CHRNA5: variants seen among roughly 807,000 people sequenced by gnomAD.
CHRNA5 encodes cholinergic receptor nicotinic alpha 5 subunit.
Under a neutral mutation model 41.2 loss-of-function variants are expected in CHRNA5, and 28 were observed. The ratio of observed to expected loss-of-function variants is 0.68; its 90% CI spans 0.50 to 0.93. CHRNA5 has a LOEUF of 0.93. Among genes scored for constraint, CHRNA5 ranks in the 40% least tolerant of loss-of-function variants. The pLI is 0.00. For missense variants in CHRNA5, 481 were observed against 581.9 expected, an observed-to-expected ratio of 0.83 and a Z score of 1.78; for synonymous variants, 188 against 205.8, an observed-to-expected ratio of 0.91 and a Z score of 0.74.
chr15:78,592,238 C>T (rs1400504468), intron 5 of CHRNA5, among the ~76,000 whole-genome samples: 1 of 152,204 alleles, frequency 6.6e-6, no homozygotes, highest in Non-Finnish European at 1.5e-5. Flanking sequence ...AGAAGAATCA[C>T]TTAAACTTGG....
In CHRNA5 at chr15:78,585,791, C is replaced by CTTTT. The variant is rs752254237; in HGVS notation, c.259-846_259-843dup. ...TTTTTCTTTTTCTTTTCTTTTCTTT[C>CTTTT]TTTTTTTTTTTGAGATGGAGTCTCG... On this transcript the variant is annotated intron_variant, in intron 2 of 5. Coordinates refer to ENST00000299565, the Ensembl canonical transcript of CHRNA5. Among the ~76,000 whole-genome samples the CTTTT allele has an allele frequency of 6.9e-5, 9 of 130,610 alleles. 1 individual carries two copies. The highest frequency in any genetic ancestry group is 1.7e-4 in the Admixed American group (2 of 11,732). 85.7% of individuals were successfully genotyped at this position (130,610 alleles called of 152,430 possible). A position where few individuals can be genotyped will look rare whatever the true frequency, so the allele number is the denominator to read the frequency against.
At chr15:78,591,432 T>C (rs1469284925) in intron 5 of CHRNA5, among the ~76,000 whole-genome samples, 1 of 151,424 alleles carries the variant, frequency 6.6e-6, no homozygotes, top group African/African-American at 2.4e-5. Context: ...TTTATAAGTA[T>C]AAAATTCAGT....
At chr15:78,580,904 A>G (rs201556084) in exon 2 of CHRNA5, 14 of 1,614,182 alleles carry the variant, frequency 8.7e-6, no homozygotes, top group South Asian at 3.3e-5. Flanking sequence ...CCTGTGGAAC[A>G]CCTGAATGAC....
At chr15:78,576,425 C>T (rs530887334) in intron 1 of CHRNA5, among the ~76,000 whole-genome samples, 89 of 152,250 alleles carry the variant, frequency 5.8e-4, no homozygotes, top group Non-Finnish European at 7.9e-4. Context: ...GGATTACAGG[C>T]GTGAGCCACC....
chr15:78,579,138 T>G (rs1008714957), intron 1 of CHRNA5, among the ~76,000 whole-genome samples: 1 of 152,174 alleles, frequency 6.6e-6, no homozygotes, highest in African/African-American at 2.4e-5. Context: ...TCCTGATTTT[T>G]GAACGGGAAT....
At chr15:78,567,967 T>C (rs993418430) in intron 1 of CHRNA5, among the ~76,000 whole-genome samples, 1 of 152,250 alleles carries the variant, frequency 6.6e-6, no homozygotes, top group African/African-American at 2.4e-5. Flanking sequence ...ACTCGCTGTC[T>C]GTGTTTCCTT....
chr15:78,590,919 T>C (rs75669271), intron 5 of CHRNA5: 3 of 366,750 alleles, frequency 8.2e-6, no homozygotes, highest in Non-Finnish European at 9.9e-6. Context: ...TAAGGAATAA[T>C]CCTGCCATAT....
exon 1 of CHRNA5, chr15:78,565,747 G>A: frequency 1.7e-6 from 2 of 1,201,144 alleles, no homozygotes; most frequent in Non-Finnish European, 2.1e-6. Flanking sequence ...AGGGCCCCGC[G>A]CGCTCCGCCT....
At chr15:78,575,793 C>T (rs1250013262) in intron 1 of CHRNA5, among the ~76,000 whole-genome samples, 2 of 152,154 alleles carry the variant, frequency 1.3e-5, no homozygotes, top group Non-Finnish European at 2.9e-5. Flanking sequence ...AAAATCATAT[C>T]CAAAGTTGAG....
At chr15:78,570,392 G>A (rs927518527) in intron 1 of CHRNA5, among the ~76,000 whole-genome samples, 5 of 144,002 alleles carry the variant, frequency 3.5e-5, no homozygotes, top group African/African-American at 1.3e-4. Context: ...CCAAGTAGCT[G>A]AAATTACAGG....
chr15:78,580,245 C>T (rs2052898278), intron 1 of CHRNA5, among the ~76,000 whole-genome samples: 1 of 132,442 alleles, frequency 7.6e-6, no homozygotes, highest in Non-Finnish European at 1.5e-5. Flanking sequence ...CACCACTGCA[C>T]TTCCAGCCTG....
intron 1 of CHRNA5, among the ~76,000 whole-genome samples, 176 bp downstream of exon 1, chr15:78,566,001 A>G (rs2052743734): frequency 6.6e-6 from 1 of 152,086 alleles, no homozygotes; most frequent in African/African-American, 2.4e-5. Flanking sequence ...TGCTCATTTA[A>G]ATGCAGAGAA....
chr15:78,574,054 C>G (rs2052832667), intron 1 of CHRNA5, among the ~76,000 whole-genome samples: 1 of 142,612 alleles, frequency 7.0e-6, no homozygotes, highest in Non-Finnish European at 1.5e-5. Context: ...ACCTCGTGAT[C>G]CGCCCACCTC....
Position 78,570,424 on chromosome 15 carries a change from A to ATTTTTTTTTTTTTTTTT in CHRNA5, c.106+4608_106+4624dup, listed in dbSNP as rs71148540. On this transcript the variant is annotated intron_variant, in intron 1 of 5. Coordinates refer to ENST00000299565, the Ensembl canonical transcript of CHRNA5. ...CAGGCATGTGCCACCAATCCCGGCT[A>ATTTTTTTTTTTTTTTTT]TTTTTTTTTTTTTTTTTTTTTTTTT... Among the ~76,000 whole-genome samples the ATTTTTTTTTTTTTTTTT allele has an allele frequency of 2.6e-4, 17 of 64,170 alleles. 3 individuals carry two copies. The highest frequency in any genetic ancestry group is 1.6e-3 in the East Asian group (2 of 1,252). The allele number at this position is 64,170 out of a possible 152,430, so 42.1% of individuals were successfully genotyped here.
At chr15:78,575,578 C>T (rs1206279376) in intron 1 of CHRNA5, among the ~76,000 whole-genome samples, 3 of 152,178 alleles carry the variant, frequency 2.0e-5, no homozygotes, top group Admixed American at 6.5e-5. Context: ...CAAGCATATT[C>T]TTCCTTTGTA....
chr15:78,579,128 TC>T (rs2052886132), intron 1 of CHRNA5, among the ~76,000 whole-genome samples: 1 of 152,160 alleles, frequency 6.6e-6, no homozygotes, highest in African/African-American at 2.4e-5. Context: ...GGCACATGTT[TC>T]CTGATTTTTG....
chr15:78,582,497 AAAAG>A (rs370917840), intron 2 of CHRNA5, among the ~76,000 whole-genome samples: 36,255 of 137,122 alleles, frequency 0.26, 5,346 homozygotes, highest in Middle Eastern at 0.41. Flanking sequence ...AAAAAAAAAG[AAAAG>A]AAAAGAAAAA....
chr15:78,580,931 T>A (rs778220199), exon 2 of CHRNA5: 1 of 1,614,028 alleles, frequency 6.2e-7, no homozygotes, highest in Non-Finnish European at 8.5e-7. Flanking sequence ...AAAATAAAAT[T>A]TGGACTTGCA....
intron 1 of CHRNA5, among the ~76,000 whole-genome samples, chr15:78,578,919 A>G (rs1321826102): frequency 1.3e-5 from 2 of 152,222 alleles, no homozygotes; most frequent in Non-Finnish European, 2.9e-5. Context: ...CAGGCCAGAC[A>G]ACAGTGAAAA....
Sources: gnomAD v4.1 joint callset for allele counts (sites outside exome capture counted in the v4.1 genomes callset) on GRCh38, gnomAD v4.1.1 for gene constraint, MANE v1.5 for transcripts, NCBI Gene and HGNC (gene_info 2026-07-23, HGNC 2026-07-21) for gene names.